The following LTBP4 variants were observed in gnomAD, a reference collection of about 807,000 sequenced individuals.
LTBP4 encodes latent transforming growth factor beta binding protein 4.
In LTBP4, 93 loss-of-function variants were observed where a neutral mutation model predicts 180.2. That is an observed-to-expected ratio of 0.52 (90% CI 0.44 to 0.61). The LOEUF (loss-of-function observed/expected upper bound fraction) is 0.61. Ranked by LOEUF, LTBP4 falls within the 20% of genes least tolerant of loss-of-function variation. The probability of loss-of-function intolerance (pLI) is 0.00; values close to 1 mark genes in which losing one functional copy is unlikely to be tolerated. For synonymous variants in LTBP4, 947 were observed against 934.5 expected (o/e 1.01, Z -0.24); for missense variants, 2,116 against 2,256.5 (o/e 0.94, Z 1.26).
rs2081460773 is a variant in LTBP4, at chr19:40,606,271, C to G, written c.832C>G (p.Pro278Ala). 6.2e-7 allele frequency: 1 copy of G among 1,600,320 alleles called. No homozygotes were observed. ...ERVSAPDGPC[P>A]TGFERVNGSC... ...AGTGAGCGCCCCAGATGGACCTTGT[C>G]CAACCGGCTTTGAAAGAGTTAATGG... Residue 278 changes from proline (P) to alanine (A), a missense_variant, in exon 5 of 30, where the codon CCA becomes GCA. Physicochemically the swap from Pro to Ala is conservative, Grantham distance 27 (BLOSUM62 -1). This residue lies in a region of LTBP4 where 469 missense variants were observed against 532.5 expected (regional missense o/e 0.88). Transcript: ENST00000396819.
In LTBP4 at chr19:40,613,819, A is replaced by G. The variant is rs559063420; in HGVS notation, c.2558-97A>G. ...CGTGAGGCAGGTTGGGGAAGGCGTG[A>G]GAGGCCTAGGAGAGCCGAGGGGCGG... On this transcript the variant is annotated intron_variant, in intron 17 of 29. Coordinates refer to ENST00000396819, the MANE Select transcript of LTBP4 (RefSeq NM_001042545.2). This position sits in a 1 kb window ranked among gnomAD's most constrained non-coding sequence, Gnocchi z 5.0. 1.3e-5 allele frequency: 20 copies of G among 1,553,248 alleles called. No homozygotes were observed. In the African/African-American group the frequency reaches 2.6e-4, roughly 20 times the overall value.
At position 40,613,258 on chromosome 19, in the gene LTBP4, C is replaced by A. The variant is rs991116236; in HGVS notation, c.2431+62C>A. On this transcript the variant is annotated intron_variant, in intron 16 of 29. Coordinates refer to ENST00000396819, the MANE Select transcript of LTBP4 (RefSeq NM_001042545.2). The surrounding 1 kb of genome is among the most constrained non-coding windows in gnomAD (Gnocchi z 5.0). ...TAGGGCCTGGGTTCCAGGGCAAAGCCGGCTGGAAAGGTGGAGGCGGGACCA... is the reference window on the plus strand; with the variant it reads ...TAGGGCCTGGGTTCCAGGGCAAAGCAGGCTGGAAAGGTGGAGGCGGGACCA... 1 of 1,543,078 alleles carries A rather than the reference C, an allele frequency of 6.5e-7. No homozygotes were observed. Among genetic ancestry groups the A allele is most frequent in the Non-Finnish European group, 8.8e-7 (1 of 1,140,952 alleles).
rs755883999 is a variant in LTBP4 at position 40,617,206 on chromosome 19, G to A, written c.3051G>A (p.Arg1017=). Residue 1017 remains arginine, a synonymous_variant, in exon 21 of 30, where the codon CGG becomes CGA. Coordinates refer to ENST00000396819, the MANE Select transcript of LTBP4 (RefSeq NM_001042545.2). ...GTGACCAGGGTTACGAGGGGGCACG[G>A]GATGGGCGTCACTGCGTGGGTACGG... ...CLCDQGYEGA[R]DGRHCVDVNE... is the part of the protein sequence containing the mutation. The A allele has an allele frequency of 5.6e-6, 9 of 1,613,698 alleles. No homozygotes were observed. The highest frequency in any genetic ancestry group is 1.6e-4 in the Middle Eastern group (1 of 6,084).
In LTBP4 at chr19:40,625,279, TATATATATATATATATATATATA is replaced by T. The variant is rs2081619598; in HGVS notation, c.3833-577_3833-555del. On this transcript the variant is annotated intron_variant, in intron 26 of 29. Transcript: ENST00000396819. ...ATATATATATATATATATATATATA[TATATATATATATATATATATATA>T]TATATATATATATATTTTTTTTTTT... is the stretch of plus-strand genomic sequence containing the variant. Among the ~76,000 whole-genome samples, 17 of 9,646 alleles carry T rather than the reference TATATATATATATATATATATATA, an allele frequency of 1.8e-3. 3 individuals are homozygous for T. The highest frequency in any genetic ancestry group is 9.3e-3 in the African/African-American group (13 of 1,392). 6.3% of individuals were successfully genotyped at this position (9,646 alleles called of 152,430 possible).
chr19:40,610,813 G>A (rs1383602086), intron 12 of LTBP4, 156 bp downstream of exon 12: 1 of 1,167,698 alleles, frequency 8.6e-7, no homozygotes, highest in African/African-American at 1.5e-5. Context: ...GCAGTAGAGA[G>A]AGACCTGGGA....
intron 1 of LTBP4, 127 bp from the exon 2 acceptor site, chr19:40,604,908 G>T: frequency 1.3e-6 from 1 of 791,050 alleles, no homozygotes; most frequent in Non-Finnish European, 2.0e-6. Context: ...TGCCAGAATT[G>T]GGGCGGGGCC....
chr19:40,613,142 T>C lies in LTBP4; in HGVS notation c.2377T>C (p.Cys793Arg). The C allele has an allele frequency of 6.3e-7, 1 of 1,598,236 alleles. No individual in the cohort carries two copies. Among genetic ancestry groups the C allele is most frequent in the African/African-American group, 1.3e-5 (1 of 74,524 alleles). Residue 793 changes from cysteine (C) to arginine (R), a missense_variant, in exon 16 of 30, where the codon TGC becomes CGC. Around this residue, in one of 5 missense-constraint regions of LTBP4, gnomAD observed 877 missense variants for 873.6 expected, o/e 1.00. Transcript: ENST00000396819. The surrounding 1 kb of genome is among the most constrained non-coding windows in gnomAD (Gnocchi z 5.0). ...HCTNTEGSFRCSCAPGYRAPS... is the reference protein window; with the variant it reads ...HCTNTEGSFRRSCAPGYRAPS... ...CACTAACACCGAAGGCTCCTTCCGC[T>C]GCAGCTGCGCGCCAGGCTACCGGGC...
chr19:40,627,290 G>A lies in LTBP4; in HGVS notation c.4301G>A (p.Arg1434Gln), dbSNP rs1486236729. The A allele has an allele frequency of 3.3e-6, 5 of 1,512,506 alleles. No individual in the cohort carries two copies. The highest frequency in any genetic ancestry group is 4.0e-5 in the Admixed American group (2 of 50,258). The allele number at this position is 1,512,506 out of a possible 1,614,324, so 93.7% of individuals were successfully genotyped here. Residue 1434 changes from arginine to glutamine, a missense_variant, in exon 28 of 30, where the codon CGG becomes CAG. By Grantham distance (43) the Arg-to-Gln change is conservative (BLOSUM62 1). Around this residue, in one of 5 missense-constraint regions of LTBP4, gnomAD observed 488 missense variants for 458.8 expected, o/e 1.06. Coordinates refer to ENST00000396819, the MANE Select transcript of LTBP4 (RefSeq NM_001042545.2). ...GGCCCGGGCACCCGCTGGCCCTATC[G>A]GTCCCGGGACACCCGCCGCTCCTTC... is the stretch of plus-strand genomic sequence containing the variant. ...PPGPGTRWPY[R>Q]SRDTRRSFPE... is the part of the protein sequence containing the mutation.
At chr19:40,594,941 G>T (rs561127343) in intron 1 of LTBP4, among the ~76,000 whole-genome samples, 6 of 151,740 alleles carry the variant, frequency 4.0e-5, no homozygotes, top group South Asian at 2.1e-4. Flanking sequence ...GGGGTGGGGG[G>T]TGCAACTGGA....
rs764109271 is a variant in LTBP4, at chr19:40,605,226, G to C, written c.442G>C (p.Gly148Arg). The C allele has an allele frequency of 2.1e-5, 34 of 1,587,376 alleles. No individual in the cohort carries two copies. Among genetic ancestry groups the C allele is most frequent in the Non-Finnish European group, 2.8e-5 (33 of 1,166,748 alleles). The change falls in exon 2 of 30, where the codon GGC becomes CGC. Residue 148 changes from glycine to arginine, a missense_variant and splice_region_variant. Gly to Arg is a moderately radical substitution (Grantham distance 125). Coordinates refer to ENST00000396819, the MANE Select transcript of LTBP4 (RefSeq NM_001042545.2). This position sits in a 1 kb window ranked among gnomAD's most constrained non-coding sequence, Gnocchi z 5.5. ...PLANHRDDEHGVASMVSVHVE... is the reference protein window; with the variant it reads ...PLANHRDDEHRVASMVSVHVE... ...GGCCAACCACCGCGACGACGAGCAC[G>C]GTGAGGAAAGGGTGGCCAGAGTCCC... is the stretch of plus-strand genomic sequence containing the variant.
At chr19:40,599,588 T>C (rs745419010), upstream of LTBP4, 2 of 1,586,576 alleles carry the variant, frequency 1.3e-6, no homozygotes, top group Non-Finnish European at 1.7e-6. Context: ...TACCAAATCC[T>C]CCCTCAGGAA....
chr19:40,620,245 A>C (rs1320391665), intron 22 of LTBP4, among the ~76,000 whole-genome samples: 7 of 115,874 alleles, frequency 6.0e-5, no homozygotes, highest in Non-Finnish European at 1.2e-4. Context: ...ATTTTTTTTA[A>C]ATGTTTTTTT....
Position 40,623,723 on chromosome 19 carries a change from G to C in LTBP4, c.3676G>C (p.Glu1226Gln), listed in dbSNP as rs1378285505. The C allele has an allele frequency of 6.2e-7, 1 of 1,613,792 alleles. No homozygotes were observed. The highest frequency in any genetic ancestry group is 1.3e-5 in the African/African-American group (1 of 74,896). The change falls in exon 25 of 30, where the codon GAG (glutamate) becomes CAG (glutamine). Residue 1226 changes from glutamate to glutamine, a missense_variant. Transcript: ENST00000396819. ...CTACTACTACCACACACAGCGGCTG[G>C]AGTGCATCGGTACAAGCCCCACCTC... ...NGYYYHTQRL[E>Q]CIDNDECADE...
intron 27 of LTBP4, 84 bp downstream of exon 27, chr19:40,626,093 C>A: frequency 7.0e-7 from 1 of 1,431,386 alleles, no homozygotes; most frequent in Non-Finnish European, 9.3e-7. Flanking sequence ...GTCGCAGAAC[C>A]CCCAGACTCT....
chr19:40,629,669 T>C lies in LTBP4; in HGVS notation c.*119T>C, dbSNP rs2081664706. On this transcript the variant is annotated 3_prime_UTR_variant, in exon 30 of 30. Coordinates refer to ENST00000396819, the MANE Select transcript of LTBP4 (RefSeq NM_001042545.2). The surrounding 1 kb of genome is among the most constrained non-coding windows in gnomAD (Gnocchi z 4.5). ...CCCGCCTGGACCTGGAGAAGGGACCTACGGACGCCTGGAAGCTGCGACGCC... is the reference window on the plus strand; with the variant it reads ...CCCGCCTGGACCTGGAGAAGGGACCCACGGACGCCTGGAAGCTGCGACGCC... The C allele has an allele frequency of 1.7e-5, 18 of 1,075,898 alleles. No individual in the cohort carries two copies. The highest frequency in any genetic ancestry group is 2.2e-5 in the Non-Finnish European group (18 of 831,986). 66.6% of individuals were successfully genotyped at this position (1,075,898 alleles called of 1,614,324 possible). A position where few individuals can be genotyped will look rare whatever the true frequency, so the allele number is the denominator to read the frequency against.
chr19:40,605,236 G>A lies in LTBP4; in HGVS notation c.442+10G>A. 1.9e-6 allele frequency: 3 copies of A among 1,581,444 alleles called. No individual in the cohort carries two copies. Among genetic ancestry groups the A allele is most frequent in the East Asian group, 2.3e-5 (1 of 42,940 alleles). ...CGCGACGACGAGCACGGTGAGGAAA[G>A]GGTGGCCAGAGTCCCCTCCGACCCC... On this transcript the variant is annotated intron_variant, in intron 2 of 29. Transcript: ENST00000396819. This position sits in a 1 kb window ranked among gnomAD's most constrained non-coding sequence, Gnocchi z 5.5.
intron 12 of LTBP4, 120 bp downstream of exon 12, chr19:40,610,777 CT>C (rs2081500329): frequency 7.1e-7 from 1 of 1,408,110 alleles, no homozygotes; most frequent in Non-Finnish European, 9.4e-7. Flanking sequence ...AGAGGCCAGG[CT>C]CTCGAGCAGA....
At chr19:40,602,766 G>T (rs1453392045) in intron 1 of LTBP4, among the ~76,000 whole-genome samples, 2 of 152,188 alleles carry the variant, frequency 1.3e-5, no homozygotes, top group Non-Finnish European at 2.9e-5. Flanking sequence ...GACGTTGGCT[G>T]TGGCCATCTA....
At chr19:40,600,570 G>T (rs1282605995), upstream of LTBP4, among the ~76,000 whole-genome samples, 1 of 152,204 alleles carries the variant, frequency 6.6e-6, no homozygotes, top group African/African-American at 2.4e-5. This position sits in a 1 kb window ranked among gnomAD's most constrained non-coding sequence, Gnocchi z 4.4. Context: ...GCCTCCTCCT[G>T]TTTCCCGAAT....
Sources: gnomAD v4.1 joint callset for allele counts (sites outside exome capture counted in the v4.1 genomes callset) on GRCh38, gnomAD v4.1.1 for gene constraint, gnomAD v4.1.1 regional missense constraint, Gnocchi (gnomAD v3.1) non-coding constraint, MANE v1.5 for transcripts, NCBI Gene and HGNC (gene_info 2026-07-23, HGNC 2026-07-21) for gene names.